Variants in NR3C1 observed in about 807,000 individuals in gnomAD.
The protein encoded by NR3C1 is nuclear receptor subfamily 3 group C member 1, also known as glucocorticoid receptor.
Under a neutral mutation model 74.0 loss-of-function variants are expected in NR3C1, and 14 were observed. That is an observed-to-expected ratio of 0.19 (90% confidence interval 0.12 to 0.30). The LOEUF (loss-of-function observed/expected upper bound fraction) is 0.30. Among genes scored for constraint, NR3C1 ranks in the 10% least tolerant of loss-of-function variants. The pLI is 1.00. For synonymous variants in NR3C1, 308 were observed against 332.5 expected (o/e 0.93, Z 0.80); for missense variants, 695 against 909.8 (o/e 0.76, Z 3.04).
intron 2 of NR3C1, among the ~76,000 whole-genome samples, chr5:143,391,348 T>A (rs1400247998): frequency 6.6e-6 from 1 of 152,152 alleles, no homozygotes; most frequent in Non-Finnish European, 1.5e-5. Context: ...TTCACAATCC[T>A]CCCAACTTTA....
chr5:143,305,278 A>C (rs1819339862), intron 4 of NR3C1, among the ~76,000 whole-genome samples: 1 of 152,216 alleles, frequency 6.6e-6, no homozygotes. Context: ...GCTGATTGTT[A>C]ATCATCAGAG....
chr5:143,331,116 T>A (rs1426535984), intron 2 of NR3C1, among the ~76,000 whole-genome samples: 2 of 152,072 alleles, frequency 1.3e-5, no homozygotes, highest in African/African-American at 4.8e-5. Context: ...CATAGACCAA[T>A]GCAACAGAAT....
At chr5:143,319,607 G>A (rs939060154) in intron 2 of NR3C1, among the ~76,000 whole-genome samples, 1 of 152,152 alleles carries the variant, frequency 6.6e-6, no homozygotes, top group Non-Finnish European at 1.5e-5. Flanking sequence ...ATTTGGCAGT[G>A]TCTGAAAACA....
intron 4 of NR3C1, among the ~76,000 whole-genome samples, chr5:143,305,998 G>C (rs894242326): frequency 6.6e-6 from 1 of 151,976 alleles, no homozygotes; most frequent in Admixed American, 6.6e-5. Context: ...AGCTTCATTT[G>C]ACTGTTTATA....
chr5:143,425,579 C>T (rs1221359426), intron 1 of NR3C1, among the ~76,000 whole-genome samples: 1 of 152,046 alleles, frequency 6.6e-6, no homozygotes, highest in East Asian at 1.9e-4. Context: ...CCTGATAGTT[C>T]TCTAAAGAAG....
chr5:143,434,430 G>A (rs1290706572), intron 1 of NR3C1: 1 of 543,926 alleles, frequency 1.8e-6, no homozygotes, highest in African/African-American at 2.1e-5. Flanking sequence ...CCTTGTGATT[G>A]TCTTTTTTTC....
intron 2 of NR3C1, among the ~76,000 whole-genome samples, chr5:143,320,481 C>A (rs1247702141): frequency 6.6e-6 from 1 of 152,100 alleles, no homozygotes; most frequent in Non-Finnish European, 1.5e-5. Flanking sequence ...ATTTTTCAGA[C>A]CTCTAAGACA....
chr5:143,395,898 A>G (rs1226573202), intron 2 of NR3C1, among the ~76,000 whole-genome samples: 1 of 151,848 alleles, frequency 6.6e-6, no homozygotes, highest in East Asian at 1.9e-4. Flanking sequence ...AAAGGCCCCT[A>G]AAGTGATCTC....
At chr5:143,296,376 A>G (rs1422161442) in intron 6 of NR3C1, among the ~76,000 whole-genome samples, 1 of 149,018 alleles carries the variant, frequency 6.7e-6, no homozygotes, top group East Asian at 1.9e-4. Context: ...ATTCCTTTAT[A>G]TAAAATAAAT....
chr5:143,429,548 G>T (rs561951511), intron 1 of NR3C1, among the ~76,000 whole-genome samples: 1 of 152,290 alleles, frequency 6.6e-6, no homozygotes, highest in Admixed American at 6.5e-5. Context: ...AACTTGAACT[G>T]TATGCAACTA....
At chr5:143,343,872 T>G (rs1163707562) in intron 2 of NR3C1, among the ~76,000 whole-genome samples, 1 of 152,194 alleles carries the variant, frequency 6.6e-6, no homozygotes, top group African/African-American at 2.4e-5. Flanking sequence ...ATACAGCAAA[T>G]TATAGAGATT....
chr5:143,415,876 C>T (rs1600671065), intron 1 of NR3C1, among the ~76,000 whole-genome samples: 2 of 152,180 alleles, frequency 1.3e-5, no homozygotes, highest in Non-Finnish European at 2.9e-5. Context: ...TTTCTACTTT[C>T]ATCTTCCTTT....
intron 2 of NR3C1, among the ~76,000 whole-genome samples, chr5:143,333,661 G>A (rs548603943): frequency 2.6e-5 from 4 of 152,064 alleles, no homozygotes; most frequent in Non-Finnish European, 5.9e-5. Context: ...CCAGCTACTC[G>A]AGAGGCTAAG....
intron 2 of NR3C1, among the ~76,000 whole-genome samples, chr5:143,368,569 C>T (rs531576737): frequency 3.0e-5 from 4 of 134,440 alleles, no homozygotes; most frequent in East Asian, 2.1e-4. Context: ...ACACACACAC[C>T]GACAACTCAA....
At chr5:143,333,120 C>T (rs1259490092) in intron 2 of NR3C1, 1 of 1,592,550 alleles carries the variant, frequency 6.3e-7, no homozygotes, top group African/African-American at 1.3e-5. Flanking sequence ...GTTCTTGCGC[C>T]CTTTCCACCT....
intron 2 of NR3C1, among the ~76,000 whole-genome samples, chr5:143,331,778 C>G (rs1407576794): frequency 2.0e-5 from 3 of 152,106 alleles, no homozygotes; most frequent in Non-Finnish European, 4.4e-5. Flanking sequence ...ACACTGGGGC[C>G]TACTTGAGGG....
chr5:143,281,761 T>TA lies in NR3C1; in HGVS notation c.*127dup. ...CTATAAACCACATGTAGTGCGTATTTAAAACAAAACAACAGATGAAAACAA... is the reference window on the plus strand; with the variant it reads ...CTATAAACCACATGTAGTGCGTATTTAAAAACAAAACAACAGATGAAAACAA... On this transcript the variant is annotated 3_prime_UTR_variant, in exon 9 of 9. Coordinates refer to ENST00000394464, the MANE Select transcript of NR3C1 (RefSeq NM_000176.3). The TA allele has an allele frequency of 9.2e-7, 1 of 1,088,866 alleles. No homozygotes were observed. The highest frequency in any genetic ancestry group is 1.4e-5 in the South Asian group (1 of 70,770). The allele number at this position is 1,088,866 out of a possible 1,614,324, so 67.5% of individuals were successfully genotyped here.
At chr5:143,296,832 T>C (rs1817361107) in intron 6 of NR3C1, among the ~76,000 whole-genome samples, 1 of 151,994 alleles carries the variant, frequency 6.6e-6, no homozygotes, top group Non-Finnish European at 1.5e-5. Flanking sequence ...ATCCCAGCAC[T>C]TTGGGAGGCC....
intron 7 of NR3C1, among the ~76,000 whole-genome samples, chr5:143,286,173 CA>C (rs1814428485): frequency 6.6e-6 from 1 of 152,160 alleles, no homozygotes; most frequent in South Asian, 2.1e-4. Context: ...CAAGAATAAA[CA>C]TATTATCAGT....
Sources: gnomAD v4.1 joint callset for allele counts (sites outside exome capture counted in the v4.1 genomes callset) on GRCh38, gnomAD v4.1.1 for gene constraint, MANE v1.5 for transcripts, NCBI Gene and HGNC (gene_info 2026-07-23, HGNC 2026-07-21) for gene names.